Variants in TSPAN18 observed in about 807,000 individuals in gnomAD.
The protein encoded by TSPAN18 is tetraspanin-18.
A neutral mutation model predicts 27.3 loss-of-function variants in TSPAN18; 14 were observed. That is an observed-to-expected ratio of 0.51 (90% CI 0.34 to 0.80). The LOEUF (loss-of-function observed/expected upper bound fraction) is 0.80. Ranked by LOEUF, TSPAN18 falls within the 30% of genes least tolerant of loss-of-function variation. The pLI is 0.01. For synonymous variants in TSPAN18, 143 were observed against 136.5 expected (o/e 1.05, Z -0.33); for missense variants, 268 against 323.9 (o/e 0.83, Z 1.32).
At chr11:44,814,644 G>A (rs534188571) in intron 2 of TSPAN18, among the ~76,000 whole-genome samples, 6 of 145,272 alleles carry the variant, frequency 4.1e-5, no homozygotes, top group Admixed American at 2.7e-4. Flanking sequence ...GAGGGAGTTG[G>A]TGGTAGAATC....
Position 44,891,354 on chromosome 11 carries a change from C to CT in TSPAN18, c.-10-15052dup, listed in dbSNP as rs1215965022. On this transcript the variant is annotated intron_variant, in intron 3 of 9. Coordinates refer to ENST00000520358, the MANE Select transcript of TSPAN18 (RefSeq NM_130783.5). ...AGTCAGGCCAGATGGCTTTTGCAGCCTGACTGAATGATGTGAGGTAGGTTG... is the reference window on the plus strand; with the variant it reads ...AGTCAGGCCAGATGGCTTTTGCAGCCTTGACTGAATGATGTGAGGTAGGTTG... Among the ~76,000 whole-genome samples the CT allele has an allele frequency of 1.1e-4, 16 of 152,278 alleles. No individual in the cohort carries two copies. The East Asian group carries it at 1.2e-3, about 11-fold the overall frequency.
intron 2 of TSPAN18, among the ~76,000 whole-genome samples, chr11:44,852,745 C>G (rs1404918841): frequency 6.6e-6 from 1 of 152,192 alleles, no homozygotes; most frequent in Non-Finnish European, 1.5e-5. Context: ...CTCAGCCAGA[C>G]GTGGGGGTTA....
chr11:44,918,789 C>G (rs1860012340), intron 6 of TSPAN18, among the ~76,000 whole-genome samples: 1 of 151,862 alleles, frequency 6.6e-6, no homozygotes, highest in South Asian at 2.1e-4. Flanking sequence ...GTGGAGGACT[C>G]CTCTGGAAAC....
intron 2 of TSPAN18, among the ~76,000 whole-genome samples, chr11:44,849,610 C>G (rs539363998): frequency 6.6e-6 from 1 of 152,262 alleles, no homozygotes; most frequent in East Asian, 1.9e-4. Context: ...CAGCAGTTCC[C>G]CTGGAGAAGG....
At chr11:44,853,097 C>A (rs1203575255) in intron 2 of TSPAN18, among the ~76,000 whole-genome samples, 2 of 152,276 alleles carry the variant, frequency 1.3e-5, no homozygotes, top group East Asian at 3.9e-4. Context: ...AGAAGTTAGA[C>A]CTTGGTGAAG....
chr11:44,826,796 C>G (rs1323110402), intron 2 of TSPAN18, among the ~76,000 whole-genome samples: 1 of 152,178 alleles, frequency 6.6e-6, no homozygotes, highest in African/African-American at 2.4e-5. Context: ...TGCACAGAGC[C>G]TGAGTCAGCC....
At chr11:44,729,062 CTG>C (rs1854588371) in intron 1 of TSPAN18, among the ~76,000 whole-genome samples, 2 of 152,322 alleles carry the variant, frequency 1.3e-5, no homozygotes, top group Middle Eastern at 3.4e-3. Context: ...TGAGGTTCCT[CTG>C]TTCAATGTAG....
intron 9 of TSPAN18, among the ~76,000 whole-genome samples, chr11:44,928,569 C>T (rs760737358): frequency 1.3e-5 from 2 of 152,166 alleles, no homozygotes; most frequent in Admixed American, 6.5e-5. Context: ...AGGCAGATCA[C>T]GAGGTCAAGA....
intron 2 of TSPAN18, among the ~76,000 whole-genome samples, chr11:44,830,134 C>T (rs1324588772): frequency 6.6e-6 from 1 of 152,182 alleles, no homozygotes; most frequent in Non-Finnish European, 1.5e-5. Flanking sequence ...CATGCAATCT[C>T]TTTCTTAACT....
intron 2 of TSPAN18, among the ~76,000 whole-genome samples, chr11:44,783,842 C>T (rs1590461405): frequency 6.6e-6 from 1 of 152,216 alleles, no homozygotes; most frequent in African/African-American, 2.4e-5. Context: ...TAAACTCTTT[C>T]ACCCTGGCAG....
intron 2 of TSPAN18, among the ~76,000 whole-genome samples, chr11:44,773,143 G>A (rs766899162): frequency 4.6e-5 from 7 of 152,088 alleles, no homozygotes; most frequent in African/African-American, 7.2e-5. Context: ...CTGGCCAGGC[G>A]CGGTGGCTCA....
intron 2 of TSPAN18, among the ~76,000 whole-genome samples, chr11:44,801,753 C>T (rs576071692): frequency 6.6e-6 from 1 of 152,262 alleles, no homozygotes; most frequent in South Asian, 2.1e-4. Context: ...TTCTAGCTGC[C>T]GGCTTTAGTG....
chr11:44,800,341 C>T (rs1016517464), intron 2 of TSPAN18, among the ~76,000 whole-genome samples: 4 of 152,078 alleles, frequency 2.6e-5, no homozygotes. Flanking sequence ...TGCCAGAGGC[C>T]CCAGAGCTGG....
chr11:44,928,538 A>G (rs1389835324), intron 9 of TSPAN18, among the ~76,000 whole-genome samples: 1 of 152,200 alleles, frequency 6.6e-6, no homozygotes, highest in Admixed American at 6.5e-5. Flanking sequence ...TGTAAATCCT[A>G]GCACTTTGGG....
At chr11:44,760,384 C>A (rs1590428968) in intron 1 of TSPAN18, among the ~76,000 whole-genome samples, 1 of 152,222 alleles carries the variant, frequency 6.6e-6, no homozygotes, top group Admixed American at 6.5e-5. Context: ...AGAGTCAAGG[C>A]TGCTTTGGGA....
intron 3 of TSPAN18, among the ~76,000 whole-genome samples, chr11:44,861,038 AT>A (rs751741497): frequency 5.3e-5 from 8 of 152,126 alleles, no homozygotes; most frequent in Non-Finnish European, 1.0e-4. Context: ...GGGCCTATTT[AT>A]TGGTTTCAAG....
At chr11:44,772,467 G>A (rs931840543) in intron 2 of TSPAN18, among the ~76,000 whole-genome samples, 5 of 152,216 alleles carry the variant, frequency 3.3e-5, no homozygotes, top group South Asian at 2.1e-4. Flanking sequence ...TCTTAATTAC[G>A]TTAATAGATA....
At chr11:44,752,032 G>A (rs73448572) in intron 1 of TSPAN18, among the ~76,000 whole-genome samples, 1,948 of 152,090 alleles carry the variant, frequency 0.013, 47 homozygotes, top group African/African-American at 0.044. Flanking sequence ...TTTGCATGTT[G>A]TTAAGTAAAA....
intron 3 of TSPAN18, among the ~76,000 whole-genome samples, chr11:44,898,721 G>T (rs1859153574): frequency 6.6e-6 from 1 of 152,194 alleles, no homozygotes; most frequent in Non-Finnish European, 1.5e-5. Flanking sequence ...CCCACTCTCA[G>T]GATGACCAAC....
Sources: allele counts gnomAD v4.1 joint callset (sites outside exome capture counted in the v4.1 genomes callset), GRCh38; gene constraint gnomAD v4.1.1; transcripts MANE v1.5; gene names NCBI Gene and HGNC (gene_info 2026-07-23, HGNC 2026-07-21).